CCDC85A: variants seen among roughly 807,000 people sequenced by gnomAD.
The protein encoded by CCDC85A is coiled-coil domain containing 85A.
A neutral mutation model predicts 50.2 loss-of-function variants in CCDC85A; 38 were observed. The ratio of observed to expected loss-of-function variants is 0.76; its 90% CI spans 0.58 to 0.99. The LOEUF is 0.99. CCDC85A is among the 50% of genes least tolerant of loss of function. CCDC85A has a pLI of 0.00. For missense variants in CCDC85A, 820 were observed against 742.0 expected (o/e 1.11, Z -1.22); for synonymous variants, 366 against 301.4 (o/e 1.21, Z -2.22).
At chr2:56,325,691 T>G (rs1286070509) in intron 2 of CCDC85A, among the ~76,000 whole-genome samples, 1 of 152,118 alleles carries the variant, frequency 6.6e-6, no homozygotes, top group African/African-American at 2.4e-5. Flanking sequence ...GAAACTGCAC[T>G]TTGCCTGTGT....
chr2:56,186,837 G>A (rs919640601), intron 1 of CCDC85A, among the ~76,000 whole-genome samples: 22 of 152,088 alleles, frequency 1.4e-4, no homozygotes, highest in African/African-American at 5.3e-4. Flanking sequence ...TCAGCTAAAG[G>A]CCCGTACACC....
intron 2 of CCDC85A, among the ~76,000 whole-genome samples, chr2:56,243,515 C>T (rs893459352): frequency 2.6e-5 from 4 of 152,068 alleles, no homozygotes; most frequent in Non-Finnish European, 5.9e-5. Flanking sequence ...TTAAATTTAT[C>T]TGATAGAATT....
chr2:56,192,923 G>C lies in CCDC85A; in HGVS notation c.723G>C (p.Arg241=). 6.2e-7 allele frequency: 1 copy of C among 1,611,844 alleles called. No homozygotes were observed. The highest frequency in any genetic ancestry group is 8.5e-7 in the Non-Finnish European group (1 of 1,179,294). Reference sequence around the variant, plus strand: ...GCCCGGAGCACCTGCAGAAGCCCCGGAGCGAGGGCAGCCCGGAGCACTCCA... The same window carrying C: ...GCCCGGAGCACCTGCAGAAGCCCCGCAGCGAGGGCAGCCCGGAGCACTCCA... The part of the protein sequence containing the change: ...SGSPEHLQKP[R]SEGSPEHSKH... The change falls in exon 2 of 6, where the codon CGG becomes CGC. Residue 241 remains arginine (R), a synonymous_variant. Coordinates refer to ENST00000407595, the MANE Select transcript of CCDC85A (RefSeq NM_001080433.2). The surrounding 1 kb of genome is among the most constrained non-coding windows in gnomAD (Gnocchi z 4.7).
At chr2:56,247,902 A>G (rs550049830) in intron 2 of CCDC85A, among the ~76,000 whole-genome samples, 2 of 152,208 alleles carry the variant, frequency 1.3e-5, no homozygotes, top group African/African-American at 4.8e-5. Flanking sequence ...TGCTGGTACT[A>G]TAAGCTATTT....
intron 2 of CCDC85A, among the ~76,000 whole-genome samples, chr2:56,327,728 G>C (rs557490047): frequency 5.4e-5 from 8 of 147,088 alleles, no homozygotes; most frequent in African/African-American, 2.0e-4. Flanking sequence ...TAAAATGTCT[G>C]TATGCTTGAA....
intron 2 of CCDC85A, among the ~76,000 whole-genome samples, chr2:56,208,891 AC>A (rs1677064725): frequency 6.6e-6 from 1 of 151,996 alleles, no homozygotes; most frequent in Admixed American, 6.6e-5. Flanking sequence ...TTTCCTTGGT[AC>A]CCCACAGCAG....
intron 2 of CCDC85A, among the ~76,000 whole-genome samples, chr2:56,323,897 A>C (rs776899275): frequency 1.3e-5 from 2 of 152,108 alleles, no homozygotes; most frequent in Non-Finnish European, 2.9e-5. Context: ...AATAGAATAC[A>C]TTTCAAGTGA....
chr2:56,250,059 G>C (rs2103989615), intron 2 of CCDC85A, among the ~76,000 whole-genome samples: 1 of 152,304 alleles, frequency 6.6e-6, no homozygotes, highest in Middle Eastern at 3.4e-3. Flanking sequence ...GATGATATCT[G>C]TGTACTTATA....
At chr2:56,224,825 G>A (rs372468405) in intron 2 of CCDC85A, among the ~76,000 whole-genome samples, 1 of 152,140 alleles carries the variant, frequency 6.6e-6, no homozygotes, top group African/African-American at 2.4e-5. Context: ...TGTTCTTTAT[G>A]TATGTTTTAG....
rs921834802 is a variant in CCDC85A, at chr2:56,372,420, G to A, written c.1394G>A (p.Arg465Gln). 6.2e-6 allele frequency: 10 copies of A among 1,608,158 alleles called. No individual in the cohort carries two copies. Among genetic ancestry groups the A allele is most frequent in the African/African-American group, 5.3e-5 (4 of 74,778 alleles). The change falls in exon 4 of 6, where the codon CGG becomes CAG. Residue 465 changes from arginine to glutamine, a missense_variant. Transcript: ENST00000407595. ...AAAGGCTGGGGGTCCAGAGCCCGGC[G>A]GGTCTTGCAGTGGTGGCAAGGGTGC... ...MEKGWGSRAR[R>Q]VLQWWQGCRG...
intron 2 of CCDC85A, among the ~76,000 whole-genome samples, chr2:56,280,547 A>T (rs1278972594): frequency 6.6e-6 from 1 of 152,172 alleles, no homozygotes; most frequent in African/African-American, 2.4e-5. Flanking sequence ...TACAAGCAAG[A>T]ACTGAAATAC....
intron 2 of CCDC85A, 120 bp from the exon 3 acceptor site, chr2:56,342,758 CA>C: frequency 1.9e-6 from 1 of 514,428 alleles, no homozygotes; most frequent in Non-Finnish European, 3.3e-6. Flanking sequence ...TTTTTTTTCT[CA>C]TTTTAAATAA....
In CCDC85A at chr2:56,184,281, G is replaced by A; in HGVS notation, c.-344G>A. ...CGGCTTAGGGCGGAGGAGAGGGCAG[G>A]GGAACGGCGGTGCAGCTCCCCCGCT... is the stretch of plus-strand genomic sequence containing the variant. On this transcript the variant is annotated 5_prime_UTR_variant, in exon 1 of 6. Transcript: ENST00000407595. 2.5e-6 allele frequency: 2 copies of A among 794,944 alleles called. No individual in the cohort carries two copies. Among genetic ancestry groups the A allele is most frequent in the Non-Finnish European group, 1.6e-6 (1 of 636,504 alleles). The allele number at this position is 794,944 out of a possible 1,614,324, so 49.2% of individuals were successfully genotyped here.
rs115882076 is a variant in CCDC85A at position 56,204,827 on chromosome 2, C to T, written c.1240+11387C>T. On this transcript the variant is annotated intron_variant, in intron 2 of 5. Coordinates refer to ENST00000407595, the MANE Select transcript of CCDC85A (RefSeq NM_001080433.2). ...CCTGGTCAGAAGCCTGTCAGGATTG[C>T]AGCAATTCATCTAGCAATATCAGAA... Among the ~76,000 whole-genome samples the T allele has an allele frequency of 3.9e-3, 593 of 152,342 alleles. 4 individuals carry two copies. The highest frequency in any genetic ancestry group is 0.013 in the African/African-American group (545 of 41,576).
At chr2:56,283,981 C>A (rs1671316832) in intron 2 of CCDC85A, among the ~76,000 whole-genome samples, 2 of 151,996 alleles carry the variant, frequency 1.3e-5, no homozygotes, top group African/African-American at 4.8e-5. Flanking sequence ...TGATTTTAAA[C>A]CTTTTATCTT....
At chr2:56,296,940 CT>C (rs571982015) in intron 2 of CCDC85A, among the ~76,000 whole-genome samples, 428 of 152,104 alleles carry the variant, frequency 2.8e-3, no homozygotes, top group Non-Finnish European at 4.5e-3. Flanking sequence ...TGAAATAAGA[CT>C]TTTGAAAACA....
chr2:56,245,430 A>AG (rs925269477), intron 2 of CCDC85A, among the ~76,000 whole-genome samples: 1 of 152,178 alleles, frequency 6.6e-6, no homozygotes, highest in Non-Finnish European at 1.5e-5. Context: ...GGGATGGAGG[A>AG]GGGGGTGGCC....
chr2:56,256,134 G>A (rs1281792459), intron 2 of CCDC85A, among the ~76,000 whole-genome samples: 1 of 152,196 alleles, frequency 6.6e-6, no homozygotes, highest in Non-Finnish European at 1.5e-5. Context: ...TCAGAATTCA[G>A]ATATGCTTTG....
At chr2:56,190,786 A>C (rs13035976) in intron 1 of CCDC85A, among the ~76,000 whole-genome samples, 70,122 of 151,918 alleles carry the variant, frequency 0.46, 16,404 homozygotes, top group African/African-American at 0.5. Context: ...CCAGGAGCCT[A>C]CTTGTTAATC....
Sources: gnomAD v4.1 joint callset for allele counts (sites outside exome capture counted in the v4.1 genomes callset) on GRCh38, gnomAD v4.1.1 for gene constraint, Gnocchi (gnomAD v3.1) non-coding constraint, MANE v1.5 for transcripts, NCBI Gene and HGNC (gene_info 2026-07-23, HGNC 2026-07-21) for gene names.